Variants in HTR1F observed in about 807,000 individuals in gnomAD.
HTR1F encodes the protein 5-hydroxytryptamine receptor 1F.
A neutral mutation model predicts 24.0 loss-of-function variants in HTR1F; 17 were observed. The observed-to-expected ratio is 0.71, with a 90% CI of 0.48 to 1.06. The LOEUF is 1.06. Among genes scored for constraint, HTR1F ranks in the 50% least tolerant of loss-of-function variants. The pLI is 0.00. For missense variants in HTR1F, 391 were observed against 427.8 expected (o/e 0.91, Z 0.76); for synonymous variants, 186 against 156.8 (o/e 1.19, Z -1.39).
At chr3:87,901,905 T>C (rs1022618081) in intron 2 of HTR1F, among the ~76,000 whole-genome samples, 1 of 152,092 alleles carries the variant, frequency 6.6e-6, no homozygotes, top group Non-Finnish European at 1.5e-5. Flanking sequence ...GCACGACCTC[T>C]ACAAAATAAT....
intron 2 of HTR1F, among the ~76,000 whole-genome samples, chr3:87,943,028 C>A (rs953991470): frequency 2.0e-5 from 3 of 152,270 alleles, no homozygotes; most frequent in Non-Finnish European, 4.4e-5. Context: ...TAGTGGACAT[C>A]ATTGAATAAT....
At chr3:87,920,697 G>C (rs1366089079) in intron 2 of HTR1F, among the ~76,000 whole-genome samples, 2 of 151,864 alleles carry the variant, frequency 1.3e-5, no homozygotes, top group Non-Finnish European at 2.9e-5. Flanking sequence ...CACAACAAGA[G>C]TAAGAACACA....
At chr3:87,915,082 T>C (rs1296595717) in intron 2 of HTR1F, among the ~76,000 whole-genome samples, 1 of 151,958 alleles carries the variant, frequency 6.6e-6, no homozygotes, top group Non-Finnish European at 1.5e-5. Context: ...TGGTGGGTGG[T>C]TAGATCCAGA....
chr3:87,801,018 G>A (rs532072544), intron 1 of HTR1F, among the ~76,000 whole-genome samples: 5 of 152,090 alleles, frequency 3.3e-5, no homozygotes, highest in South Asian at 2.1e-4. Flanking sequence ...TTTATTTTTC[G>A]TATACAATAT....
At chr3:87,910,275 C>T (rs1279265986) in intron 2 of HTR1F, 5 of 151,848 alleles carry the variant, frequency 3.3e-5, no homozygotes, top group African/African-American at 1.2e-4. Flanking sequence ...TGGAAGAGGC[C>T]CTCGGGCATG....
At chr3:87,950,337 C>T (rs146686805) in intron 2 of HTR1F, among the ~76,000 whole-genome samples, 225 of 152,256 alleles carry the variant, frequency 1.5e-3, no homozygotes, top group Non-Finnish European at 2.7e-3. Flanking sequence ...CTATTTTATC[C>T]TCTCACAAGT....
At position 87,920,029 on chromosome 3, in the gene HTR1F, T is replaced by TTATATATATATATATATATA. The variant is rs74326472; in HGVS notation, c.-42-70677_-42-70658dup. Among the ~76,000 whole-genome samples, 533 of 141,886 alleles carry TTATATATATATATATATATA rather than the reference T, an allele frequency of 3.8e-3. 4 individuals are homozygous for TTATATATATATATATATATA. The highest frequency in any genetic ancestry group is 7.4e-3 in the African/African-American group (282 of 38,016). 93.1% of individuals were successfully genotyped at this position (141,886 alleles called of 152,430 possible). On this transcript the variant is annotated intron_variant, in intron 2 of 2. Coordinates refer to ENST00000319595, the MANE Select transcript of HTR1F (RefSeq NM_001322209.2). ...GTGTGGGAGAGATATATATGTAATA[T>TTATATATATATATATATATA]TATATATATATATATATATATGATA... is the stretch of plus-strand genomic sequence containing the variant.
rs866771772 is a variant in HTR1F, at chr3:87,967,590, G to A, written c.-42-23118G>A. 1.7e-3 allele frequency among the ~76,000 whole-genome samples: 255 copies of A among 152,026 alleles called. 1 individual carries two copies. In the South Asian group the frequency reaches 0.018, roughly 11 times the overall value. ...CGGTGGGAGGTAATTGAATCATGGG[G>A]GGGGGTGGGTAGGTCTTTCCTGTGC... On this transcript the variant is annotated intron_variant, in intron 2 of 2. Transcript: ENST00000319595.
intron 2 of HTR1F, among the ~76,000 whole-genome samples, chr3:87,975,944 C>T (rs1705386943): frequency 6.6e-6 from 1 of 152,146 alleles, no homozygotes; most frequent in South Asian, 2.1e-4. Context: ...CAGCAATTAG[C>T]ACTCACACTA....
Position 87,802,738 on chromosome 3 carries a change from A to G in HTR1F, c.-160+9896A>G, listed in dbSNP as rs1374379820. 2.6e-5 allele frequency among the ~76,000 whole-genome samples: 4 copies of G among 152,200 alleles called. No individual in the cohort carries two copies. In the East Asian group the frequency reaches 5.8e-4, roughly 22 times the overall value. Reference sequence around the variant, plus strand: ...CATCAGAAAAAGACTAATTTGGCACATGCTTACAAGCAAGGGTAGCTTAGT... The same window carrying G: ...CATCAGAAAAAGACTAATTTGGCACGTGCTTACAAGCAAGGGTAGCTTAGT... On this transcript the variant is annotated intron_variant, in intron 1 of 2. Transcript: ENST00000319595.
intron 2 of HTR1F, among the ~76,000 whole-genome samples, chr3:87,877,753 G>C (rs2107272324): frequency 6.6e-6 from 1 of 152,262 alleles, no homozygotes; most frequent in Admixed American, 6.5e-5. Flanking sequence ...TACTGTACAT[G>C]GAGGATGAGC....
chr3:87,802,245 C>T (rs1193415854), intron 1 of HTR1F, among the ~76,000 whole-genome samples: 2 of 95,222 alleles, frequency 2.1e-5, no homozygotes, highest in East Asian at 5.3e-4. Flanking sequence ...CCCTTCCTTC[C>T]TTCCTTCCTT....
intron 2 of HTR1F, among the ~76,000 whole-genome samples, chr3:87,880,912 G>T (rs1705779454): frequency 6.6e-6 from 1 of 152,130 alleles, no homozygotes; most frequent in Non-Finnish European, 1.5e-5. Flanking sequence ...ATAATACTTG[G>T]TATGAGAACA....
At chr3:87,971,855 T>C (rs192364350) in intron 2 of HTR1F, among the ~76,000 whole-genome samples, 2 of 152,352 alleles carry the variant, frequency 1.3e-5, no homozygotes, top group East Asian at 3.9e-4. Flanking sequence ...TTGTTCATTT[T>C]ATGTATATAC....
chr3:87,927,142 A>G (rs768899437), intron 2 of HTR1F, among the ~76,000 whole-genome samples: 2 of 152,124 alleles, frequency 1.3e-5, no homozygotes, highest in Non-Finnish European at 2.9e-5. Context: ...AACTAGTACC[A>G]TGGTTATATG....
intron 2 of HTR1F, among the ~76,000 whole-genome samples, chr3:87,908,499 T>C (rs1470497353): frequency 1.3e-5 from 2 of 152,024 alleles, no homozygotes; most frequent in Non-Finnish European, 1.5e-5. Context: ...TTTTTAATCA[T>C]AGTAATATAA....
chr3:87,937,452 G>C (rs1457751099), intron 2 of HTR1F, among the ~76,000 whole-genome samples: 1 of 152,122 alleles, frequency 6.6e-6, no homozygotes, highest in Non-Finnish European at 1.5e-5. Context: ...ACTGGGTATT[G>C]AAGGAACATA....
At chr3:87,907,753 A>G (rs1266901403) in intron 2 of HTR1F, among the ~76,000 whole-genome samples, 1 of 152,044 alleles carries the variant, frequency 6.6e-6, no homozygotes, top group East Asian at 1.9e-4. Context: ...AAACAAAATC[A>G]TAATACTAGA....
chr3:87,901,788 T>C (rs1576006697), intron 2 of HTR1F, among the ~76,000 whole-genome samples: 1 of 152,250 alleles, frequency 6.6e-6, no homozygotes, highest in East Asian at 1.9e-4. Context: ...TCCTCTATCA[T>C]CTGTTTCCAG....
Sources: allele counts gnomAD v4.1 joint callset (sites outside exome capture counted in the v4.1 genomes callset), GRCh38; gene constraint gnomAD v4.1.1; transcripts MANE v1.5; gene names NCBI Gene and HGNC (gene_info 2026-07-23, HGNC 2026-07-21).